The following HTR1F variants were observed in gnomAD, a reference collection of about 807,000 sequenced individuals.
HTR1F encodes the protein 5-hydroxytryptamine receptor 1F.
Under a neutral mutation model 24.0 loss-of-function variants are expected in HTR1F, and 17 were observed. The observed-to-expected ratio is 0.71, with a 90% CI of 0.48 to 1.06. The LOEUF (loss-of-function observed/expected upper bound fraction) is 1.06. HTR1F is among the 50% of genes least tolerant of loss of function. The pLI is 0.00. For synonymous variants in HTR1F, 186 were observed against 156.8 expected (o/e 1.19, Z -1.39); for missense variants, 391 against 427.8 (o/e 0.91, Z 0.76).
At chr3:87,872,606 G>T (rs1705582444) in intron 2 of HTR1F, among the ~76,000 whole-genome samples, 1 of 151,458 alleles carries the variant, frequency 6.6e-6, no homozygotes, top group African/African-American at 2.4e-5. Context: ...AATGAAAGAG[G>T]AGACACTACA....
chr3:87,814,751 A>G (rs1272982915), intron 1 of HTR1F, among the ~76,000 whole-genome samples: 2 of 152,182 alleles, frequency 1.3e-5, no homozygotes, highest in South Asian at 2.1e-4. Context: ...CAGCTTCTAT[A>G]CTACTTGTTT....
intron 2 of HTR1F, among the ~76,000 whole-genome samples, chr3:87,934,448 G>A (rs1262700269): frequency 6.6e-6 from 1 of 152,194 alleles, no homozygotes; most frequent in Non-Finnish European, 1.5e-5. Context: ...AGAACCAGAA[G>A]TGCTTGGGAG....
intron 2 of HTR1F, among the ~76,000 whole-genome samples, chr3:87,980,245 T>C (rs1452811425): frequency 3.3e-5 from 5 of 152,062 alleles, no homozygotes; most frequent in African/African-American, 9.7e-5. Flanking sequence ...GTAGCTCCTA[T>C]CTGCAGGCAG....
intron 2 of HTR1F, among the ~76,000 whole-genome samples, chr3:87,963,545 C>T (rs545174427): frequency 1.3e-5 from 2 of 152,210 alleles, no homozygotes; most frequent in South Asian, 4.1e-4. Context: ...TCCAAGATGA[C>T]AATAACTATC....
chr3:87,976,171 A>G (rs1705391102), intron 2 of HTR1F, among the ~76,000 whole-genome samples: 1 of 152,252 alleles, frequency 6.6e-6, no homozygotes. Context: ...CTTTTAATTT[A>G]ACATATTTAC....
chr3:87,914,593 C>T (rs1703851416), intron 2 of HTR1F, among the ~76,000 whole-genome samples: 1 of 152,106 alleles, frequency 6.6e-6, no homozygotes, highest in East Asian at 1.9e-4. Flanking sequence ...TCCCTGACAA[C>T]CTGCATGACT....
intron 2 of HTR1F, among the ~76,000 whole-genome samples, chr3:87,869,032 G>T (rs1575966411): frequency 6.6e-6 from 1 of 151,920 alleles, no homozygotes; most frequent in East Asian, 1.9e-4. Flanking sequence ...TTATACATGT[G>T]CCGTTCATAT....
chr3:87,953,933 A>G (rs969818789), intron 2 of HTR1F, among the ~76,000 whole-genome samples: 6 of 151,864 alleles, frequency 4.0e-5, no homozygotes, highest in African/African-American at 1.2e-4. Flanking sequence ...TAAGACAGAC[A>G]TAGAAAGACA....
At chr3:87,945,706 A>T (rs55789120) in intron 2 of HTR1F, among the ~76,000 whole-genome samples, 17,070 of 152,210 alleles carry the variant, frequency 0.11, 1,185 homozygotes, top group Non-Finnish European at 0.16. Flanking sequence ...CCTGAGTCTT[A>T]AGTCCAGCAG....
rs185038221 is a variant in HTR1F at position 87,872,005 on chromosome 3, G to T, written c.-43+49881G>T. Among the ~76,000 whole-genome samples the T allele has an allele frequency of 7.2e-5, 11 of 152,188 alleles. No homozygotes were observed. The East Asian group carries it at 1.5e-3, about 21-fold the overall frequency. The stretch of plus-strand genomic sequence containing the variant: ...TTCTCCAGGATAGGTAAGATGTTAG[G>T]TCACAAAGCAAGTCTTAACACACTT... On this transcript the variant is annotated intron_variant, in intron 2 of 2. Transcript: ENST00000319595.
intron 2 of HTR1F, among the ~76,000 whole-genome samples, chr3:87,945,070 CTCTG>C (rs1353906519): frequency 2.0e-5 from 3 of 151,930 alleles, no homozygotes; most frequent in South Asian, 2.1e-4. Flanking sequence ...TCTCTCTCTT[CTCTG>C]TCTCTCTCTC....
chr3:87,880,646 TTGTG>T (rs10540515), intron 2 of HTR1F, among the ~76,000 whole-genome samples: 11,374 of 147,222 alleles, frequency 0.077, 1,237 homozygotes, highest in African/African-American at 0.25. Context: ...GTGTGTTTGT[TTGTG>T]TGTGTGTGTG....
intron 2 of HTR1F, among the ~76,000 whole-genome samples, chr3:87,967,109 G>A (rs1440179980): frequency 6.6e-6 from 1 of 152,096 alleles, no homozygotes; most frequent in East Asian, 1.9e-4. Context: ...TTGGTTGAAT[G>A]ACATTTGTTT....
chr3:87,883,623 C>T (rs1463587265), intron 2 of HTR1F, among the ~76,000 whole-genome samples: 1 of 152,092 alleles, frequency 6.6e-6, no homozygotes, highest in East Asian at 1.9e-4. Flanking sequence ...AAATGGCTAA[C>T]TAGAATAAAC....
intron 2 of HTR1F, among the ~76,000 whole-genome samples, chr3:87,919,900 G>C (rs1285448230): frequency 6.6e-6 from 1 of 151,486 alleles, no homozygotes; most frequent in African/African-American, 2.4e-5. Context: ...GTCATTACAC[G>C]AAAAAAATAC....
chr3:87,839,588 G>T (rs935534338), intron 2 of HTR1F, among the ~76,000 whole-genome samples: 3 of 151,948 alleles, frequency 2.0e-5, no homozygotes, highest in African/African-American at 4.8e-5. Context: ...TTTAAAAAAA[G>T]TCATTGGAAT....
At chr3:87,935,825 T>A (rs1340248529) in intron 2 of HTR1F, among the ~76,000 whole-genome samples, 8 of 151,876 alleles carry the variant, frequency 5.3e-5, no homozygotes, top group African/African-American at 1.7e-4. Flanking sequence ...AAAAAAAAAA[T>A]TTGGCTTAAT....
chr3:87,832,102 A>T (rs944805795), intron 2 of HTR1F, among the ~76,000 whole-genome samples: 4 of 152,142 alleles, frequency 2.6e-5, no homozygotes, highest in African/African-American at 4.8e-5. Context: ...TAACCACTAT[A>T]CTGTGCCACC....
intron 2 of HTR1F, among the ~76,000 whole-genome samples, chr3:87,849,097 G>GA (rs1339567649): frequency 1.3e-5 from 2 of 151,208 alleles, no homozygotes; most frequent in Non-Finnish European, 2.9e-5. Context: ...CACAGAATTG[G>GA]AAAAAACTAC....
Sources: gnomAD v4.1 joint callset for allele counts (sites outside exome capture counted in the v4.1 genomes callset) on GRCh38, gnomAD v4.1.1 for gene constraint, MANE v1.5 for transcripts, NCBI Gene and HGNC (gene_info 2026-07-23, HGNC 2026-07-21) for gene names.